Variants in KCNH5 observed in about 807,000 individuals in gnomAD.
KCNH5 encodes potassium voltage-gated channel subfamily H member 5.
In KCNH5, 46 loss-of-function variants were observed where a neutral mutation model predicts 96.1. That is an observed-to-expected ratio of 0.48 (90% CI 0.38 to 0.61). The LOEUF (loss-of-function observed/expected upper bound fraction) is 0.61. KCNH5 is among the 20% of genes least tolerant of loss of function. The pLI, the probability that KCNH5 is intolerant of heterozygous loss-of-function variation, is 0.00. For missense variants in KCNH5, 907 were observed against 1,225.8 expected (o/e 0.74, Z 3.88); for synonymous variants, 439 against 449.8 (o/e 0.98, Z 0.30).
At position 62,813,774 on chromosome 14, in the gene KCNH5, T is replaced by C. The variant is rs113937833; in HGVS notation, c.1570-11193A>G. 3.8e-3 allele frequency among the ~76,000 whole-genome samples: 582 copies of C among 152,320 alleles called. 3 individuals carry two copies. The highest frequency in any genetic ancestry group is 0.013 in the African/African-American group (556 of 41,572). ...GAGTCAGGCAAGTGACATTTGCACA[T>C]AAAATATTTTTACAATCCTTCCTGG... On this transcript the variant is annotated intron_variant, in intron 8 of 10. Coordinates refer to ENST00000322893, the MANE Select transcript of KCNH5 (RefSeq NM_139318.5).
chr14:62,788,732 G>A (rs943458839), intron 9 of KCNH5, among the ~76,000 whole-genome samples: 21 of 152,138 alleles, frequency 1.4e-4, no homozygotes, highest in Non-Finnish European at 5.9e-5. Context: ...CTGTCCACCA[G>A]CAAAAAGATT....
chr14:62,706,827 T>C lies in KCNH5; in HGVS notation c.*681A>G, dbSNP rs1314803890. On this transcript the variant is annotated 3_prime_UTR_variant, in exon 11 of 11. Transcript: ENST00000322893. ...CAAGAAGGAGGGAGTAGGGATTTCCTTACATAAGAGCTAATGATTACTATC... is the reference window on the plus strand; with the variant it reads ...CAAGAAGGAGGGAGTAGGGATTTCCCTACATAAGAGCTAATGATTACTATC... 1.3e-5 allele frequency: 2 copies of C among 152,174 alleles called. No individual in the cohort carries two copies. The highest frequency in any genetic ancestry group is 2.4e-5 in the African/African-American group (1 of 41,442). The allele number at this position is 152,174 out of a possible 1,614,324, so 9.4% of individuals were successfully genotyped here.
At chr14:62,885,655 ATGGCATGGCCAG>A (rs1888581474) in intron 7 of KCNH5, among the ~76,000 whole-genome samples, 1 of 152,232 alleles carries the variant, frequency 6.6e-6, no homozygotes, top group Non-Finnish European at 1.5e-5. Context: ...ACAAGATGAA[ATGGCATGGCCAG>A]TGCCTTCAGG....
At chr14:62,995,176 C>A (rs574270213) in intron 4 of KCNH5, among the ~76,000 whole-genome samples, 1 of 152,110 alleles carries the variant, frequency 6.6e-6, no homozygotes, top group African/African-American at 2.4e-5. Flanking sequence ...AATATCGATA[C>A]AAGTAGGAGA....
intron 10 of KCNH5, among the ~76,000 whole-genome samples, chr14:62,713,400 A>G (rs1015743943): frequency 6.6e-6 from 1 of 152,238 alleles, no homozygotes; most frequent in Non-Finnish European, 1.5e-5. Flanking sequence ...CATACTGGGT[A>G]GACTCAGGTT....
chr14:62,771,619 T>C (rs1193965517), intron 10 of KCNH5, among the ~76,000 whole-genome samples: 5 of 152,054 alleles, frequency 3.3e-5, no homozygotes, highest in African/African-American at 9.7e-5. Flanking sequence ...AGCGAGACTC[T>C]GCCTCAAAAA....
At chr14:62,981,341 G>T in intron 5 of KCNH5, 77 bp from the exon 6 acceptor site, 1 of 1,392,792 alleles carries the variant, frequency 7.2e-7, no homozygotes. Flanking sequence ...TCTACTGGCA[G>T]TCAAACCACA....
rs1884490235 is a variant in KCNH5, at chr14:62,708,398, T to C, written c.2077A>G (p.Lys693Glu). ...GGAATGCTGAGGGTCACCTCATTCT[T>C]CTGCCGGAGGCGCTCCTCCTCCTCT... ...KKEEEERLRQ[K>E]NEVTLSIPVD... is the part of the protein sequence containing the mutation. Residue 693 changes from lysine to glutamate, a missense_variant, in exon 11 of 11, where the codon AAG (lysine) becomes GAG (glutamate). Physicochemically the swap from Lys to Glu is moderately conservative, Grantham distance 56. Around this residue, in one of 6 missense-constraint regions of KCNH5, gnomAD observed 362 missense variants for 394.4 expected, o/e 0.92. Transcript: ENST00000322893. The C allele has an allele frequency of 6.2e-7, 1 of 1,612,038 alleles. No individual in the cohort carries two copies. Among genetic ancestry groups the C allele is most frequent in the Non-Finnish European group, 8.5e-7 (1 of 1,179,658 alleles).
At chr14:62,739,967 T>A (rs1440884589) in intron 10 of KCNH5, among the ~76,000 whole-genome samples, 1 of 152,032 alleles carries the variant, frequency 6.6e-6, no homozygotes, top group Non-Finnish European at 1.5e-5. Flanking sequence ...TTTTGGAGGG[T>A]AGGGAAATGT....
rs147472278 is a variant in KCNH5, at chr14:62,892,540, C to A, written c.1370-42688G>T. Reference sequence around the variant, plus strand: ...AAGATGCCTGGTAAAAATGGCTACACTAAACAACAAATTTTCAATGTAAAT... The same window carrying A: ...AAGATGCCTGGTAAAAATGGCTACAATAAACAACAAATTTTCAATGTAAAT... On this transcript the variant is annotated intron_variant, in intron 7 of 10. Transcript: ENST00000322893. 1.6e-3 allele frequency among the ~76,000 whole-genome samples: 239 copies of A among 152,312 alleles called. 1 individual carries two copies. Among genetic ancestry groups the A allele is most frequent in the African/African-American group, 5.4e-3 (223 of 41,576 alleles).
intron 1 of KCNH5, among the ~76,000 whole-genome samples, chr14:63,037,272 C>A (rs1891738722): frequency 6.6e-6 from 1 of 152,080 alleles, no homozygotes; most frequent in Non-Finnish European, 1.5e-5. Context: ...AGCCAGGACT[C>A]TAATACAGGC....
intron 7 of KCNH5, among the ~76,000 whole-genome samples, chr14:62,874,989 A>C (rs1370688630): frequency 2.9e-5 from 4 of 137,776 alleles, no homozygotes; most frequent in African/African-American, 1.1e-4. Context: ...CAACTTCAGC[A>C]AAGTCTCAGG....
In KCNH5 at chr14:62,705,551, C is replaced by T. The variant is rs552337049; in HGVS notation, c.*1957G>A. 3 of 152,000 alleles carry T rather than the reference C, an allele frequency of 2.0e-5. No individual in the cohort carries two copies. The highest frequency in any genetic ancestry group is 7.2e-5 in the African/African-American group (3 of 41,496). The allele number at this position is 152,000 out of a possible 1,614,324, so 9.4% of individuals were successfully genotyped here. ...TAGATATTGTAGCATTACATGGAGA[C>T]GTGTTCCCCTGAAAACTTCCATTAT... On this transcript the variant is annotated 3_prime_UTR_variant, in exon 11 of 11. Transcript: ENST00000322893.
chr14:62,962,496 C>G (rs1167228954), intron 6 of KCNH5, among the ~76,000 whole-genome samples: 2 of 151,978 alleles, frequency 1.3e-5, no homozygotes, highest in Non-Finnish European at 2.9e-5. Flanking sequence ...AATGGAGAAG[C>G]TAAGAAAATA....
At chr14:62,996,965 T>A (rs1890916400) in intron 4 of KCNH5, among the ~76,000 whole-genome samples, 1 of 152,248 alleles carries the variant, frequency 6.6e-6, no homozygotes, top group Admixed American at 6.5e-5. Flanking sequence ...ACAAATCAGA[T>A]GCCAATTATT....
chr14:63,022,099 A>G (rs1432622027), intron 1 of KCNH5, among the ~76,000 whole-genome samples: 1 of 152,130 alleles, frequency 6.6e-6, no homozygotes, highest in Non-Finnish European at 1.5e-5. Context: ...AATGTGCTTC[A>G]GTATAACATG....
At chr14:62,779,132 T>C (rs907006228) in intron 10 of KCNH5, among the ~76,000 whole-genome samples, 3 of 152,244 alleles carry the variant, frequency 2.0e-5, no homozygotes, top group African/African-American at 7.2e-5. Context: ...AGGAGATTTC[T>C]TCATGCAAAT....
intron 8 of KCNH5, among the ~76,000 whole-genome samples, chr14:62,807,507 C>T (rs1262818252): frequency 6.6e-6 from 1 of 152,002 alleles, no homozygotes; most frequent in Admixed American, 6.6e-5. Context: ...AAAATAAAAA[C>T]ATTTAGTCTA....
intron 9 of KCNH5, among the ~76,000 whole-genome samples, chr14:62,796,840 T>C (rs1439788439): frequency 5.9e-5 from 9 of 152,102 alleles, no homozygotes; most frequent in Non-Finnish European, 1.5e-5. Context: ...GTGGGACAAC[T>C]TGAAGCAAAG....
Sources: allele counts gnomAD v4.1 joint callset (sites outside exome capture counted in the v4.1 genomes callset), GRCh38; gene constraint gnomAD v4.1.1; regional missense constraint gnomAD v4.1.1; transcripts MANE v1.5; gene names NCBI Gene and HGNC (gene_info 2026-07-23, HGNC 2026-07-21).